The following IGSF9B variants were observed in gnomAD, a reference collection of about 807,000 sequenced individuals.
IGSF9B encodes protein turtle homolog B.
IGSF9B carries 48 observed loss-of-function variants against 143.7 expected under a neutral mutation model. The ratio of observed to expected loss-of-function variants is 0.33; its 90% CI spans 0.26 to 0.42. IGSF9B has a LOEUF of 0.42. Ranked by LOEUF, IGSF9B falls within the 20% of genes least tolerant of loss-of-function variation. The pLI, the probability that IGSF9B is intolerant of heterozygous loss-of-function variation, is 1.00. For missense variants in IGSF9B, 1,706 were observed against 1,980.0 expected, an observed-to-expected ratio of 0.86 and a Z score of 2.63; for synonymous variants, 903 against 833.1, an observed-to-expected ratio of 1.08 and a Z score of -1.44.
Position 133,925,916 on chromosome 11 carries a change from C to A in IGSF9B, c.1857G>T (p.Arg619Ser). Residue 619 changes from arginine to serine, a missense_variant, in exon 14 of 20, where the codon AGG (arginine) becomes AGT (serine). Physicochemically the swap from Arg to Ser is moderately radical, Grantham distance 110. Transcript: ENST00000533871. The part of the protein sequence containing the change: ...PEPLVLVTPP[R>S]CLIANRTQQG... ...GCTGAGTCCGATTGGCTATGAGGCA[C>A]CTCGGTGGGGTGACCAGCACCAGGG... The A allele has an allele frequency of 6.2e-7, 1 of 1,610,660 alleles. No homozygotes were observed. Among genetic ancestry groups the A allele is most frequent in the Non-Finnish European group, 8.5e-7 (1 of 1,178,428 alleles).
chr11:133,942,676 G>A (rs924814452), intron 3 of IGSF9B, among the ~76,000 whole-genome samples: 2 of 152,182 alleles, frequency 1.3e-5, no homozygotes, highest in Non-Finnish European at 2.9e-5. Flanking sequence ...CCTCAGCCTG[G>A]TGTTCATCAA....
At chr11:133,914,094 T>G (rs959845277) in intron 18 of IGSF9B, among the ~76,000 whole-genome samples, 17 of 152,194 alleles carry the variant, frequency 1.1e-4, no homozygotes, top group Admixed American at 1.0e-3. Context: ...AATCAACATC[T>G]TATCACTGTT....
rs772792973 is a variant in IGSF9B, at chr11:133,920,710, C to A, written c.3015G>T (p.Gly1005=). The A allele has an allele frequency of 6.2e-7, 1 of 1,613,398 alleles. No homozygotes were observed. The highest frequency in any genetic ancestry group is 8.5e-7 in the Non-Finnish European group (1 of 1,179,736). ...VMSSPPLPTE[G]PFGHPTIPEE... Reference sequence around the variant, plus strand: ...CGGGGATGGTGGGGTGGCCAAAGGGCCCCTCGGTGGGCAGGGGCGGGGACG... The same window carrying A: ...CGGGGATGGTGGGGTGGCCAAAGGGACCCTCGGTGGGCAGGGGCGGGGACG... Residue 1005 remains glycine, a synonymous_variant, in exon 18 of 20, where the codon GGG becomes GGT. Transcript: ENST00000533871.
intron 1 of IGSF9B, among the ~76,000 whole-genome samples, chr11:133,955,485 G>T (rs1441125896): frequency 1.3e-5 from 2 of 152,196 alleles, no homozygotes; most frequent in African/African-American, 4.8e-5. Context: ...CCCGTGAGAG[G>T]CGCCTCCAGC....
intron 18 of IGSF9B, among the ~76,000 whole-genome samples, chr11:133,918,160 G>A (rs930421900): frequency 6.6e-6 from 1 of 152,188 alleles, no homozygotes; most frequent in East Asian, 1.9e-4. Flanking sequence ...GGGCGGTGAG[G>A]GGACATGGTT....
Position 133,908,939 on chromosome 11 carries a change from A to G in IGSF9B, c.*130T>C. ...TCTGGAGGGAGACACCCGCTCTGGC[A>G]AAAGAGGGGGCATGCAGGACAAAGG... On this transcript the variant is annotated 3_prime_UTR_variant, in exon 20 of 20. Transcript: ENST00000533871. 1.3e-6 allele frequency: 1 copy of G among 777,368 alleles called. No individual in the cohort carries two copies. The highest frequency in any genetic ancestry group is 2.0e-6 in the Non-Finnish European group (1 of 490,796). The allele number at this position is 777,368 out of a possible 1,614,324, so 48.2% of individuals were successfully genotyped here.
At position 133,925,974 on chromosome 11, in the gene IGSF9B, G is replaced by A. The variant is rs762797800; in HGVS notation, c.1808-9C>T. On this transcript the variant is annotated splice_polypyrimidine_tract_variant and intron_variant, in intron 13 of 19. Coordinates refer to ENST00000533871, the MANE Select transcript of IGSF9B (RefSeq NM_001277285.4). The stretch of plus-strand genomic sequence containing the variant: ...AGTTGTAATAGGGAATGCTGCGGCG[G>A]GGGAAGGAGAAGAACCACAGCGCAT... 1.9e-6 allele frequency: 3 copies of A among 1,570,636 alleles called. No individual in the cohort carries two copies. Among genetic ancestry groups the A allele is most frequent in the Non-Finnish European group, 2.6e-6 (3 of 1,155,052 alleles).
chr11:133,916,376 G>C (rs1939382994), intron 18 of IGSF9B, among the ~76,000 whole-genome samples: 1 of 152,224 alleles, frequency 6.6e-6, no homozygotes, highest in African/African-American at 2.4e-5. Context: ...ACGTGGACAA[G>C]AGCTGTCACA....
rs748439330 is a variant in IGSF9B at position 133,925,880 on chromosome 11, G to C, written c.1893C>G (p.Leu631=). The C allele has an allele frequency of 3.1e-5, 50 of 1,613,166 alleles. No individual in the cohort carries two copies. Among genetic ancestry groups the C allele is most frequent in the Non-Finnish European group, 4.2e-5 (49 of 1,179,640 alleles). The change falls in exon 14 of 20, where the codon CTC becomes CTG. Residue 631 remains leucine, a synonymous_variant. Coordinates refer to ENST00000533871, the MANE Select transcript of IGSF9B (RefSeq NM_001277285.4). ...GGTTGGCAGGCGGAAGCCAGGACAG[G>C]AGCACACCCTGCTGAGTCCGATTGG... The part of the protein sequence containing the change: ...LIANRTQQGV[L]LSWLPPANHS...
At position 133,937,456 on chromosome 11, in the gene IGSF9B, C is replaced by A; in HGVS notation, c.599G>T (p.Arg200Leu). Residue 200 changes from arginine (R) to leucine (L), a missense_variant, in exon 5 of 20, where the codon CGG becomes CTG. By Grantham distance (102) the Arg-to-Leu change is moderately radical (BLOSUM62 -2). Transcript: ENST00000533871. ...DGSLTVTSVS[R>L]EDRGAYTCRA... is the part of the protein sequence containing the mutation. ...GCAGGTGTAGGCACCTCTGTCCTCC[C>A]GACTGACCGATGTCACTGTCAGGCT... 6.2e-7 allele frequency: 1 copy of A among 1,613,838 alleles called. No homozygotes were observed. Among genetic ancestry groups the A allele is most frequent in the Non-Finnish European group, 8.5e-7 (1 of 1,179,780 alleles).
At chr11:133,951,539 T>G (rs1164869481) in intron 1 of IGSF9B, among the ~76,000 whole-genome samples, 1 of 152,210 alleles carries the variant, frequency 6.6e-6, no homozygotes, top group East Asian at 1.9e-4. Flanking sequence ...GAGGCCGGGA[T>G]GCTATTAGCA....
In IGSF9B at chr11:133,921,211, C is replaced by T; in HGVS notation, c.2514G>A (p.Glu838=). 2 of 1,609,422 alleles carry T rather than the reference C, an allele frequency of 1.2e-6. No homozygotes were observed. Among genetic ancestry groups the T allele is most frequent in the Middle Eastern group, 1.7e-4 (1 of 6,058 alleles). The change falls in exon 18 of 20, where the codon GAG becomes GAA. Residue 838 remains glutamate (E), a synonymous_variant. Coordinates refer to ENST00000533871, the MANE Select transcript of IGSF9B (RefSeq NM_001277285.4). ...SSKKYSVAKA[E]AEAEATTPIE... ...TGGGCGTGGTGGCCTCTGCCTCGGC[C>T]TCTGCCTTGGCCACGCTGTACTTCT... is the stretch of plus-strand genomic sequence containing the variant.
rs1212614889 is a variant in IGSF9B at position 133,920,056 on chromosome 11, C to G, written c.3669G>C (p.Arg1223=). 1 of 1,551,998 alleles carries G rather than the reference C, an allele frequency of 6.4e-7. No individual in the cohort carries two copies. Among genetic ancestry groups the G allele is most frequent in the Non-Finnish European group, 8.7e-7 (1 of 1,151,190 alleles). ...CCTGCTGCAGGAGGCCCGGGCGAGG[C>G]CGGGCACGGGCGGCGAGCTCAGGGG... is the stretch of plus-strand genomic sequence containing the variant. ...TGSPELAARA[R]PRPGLLQQAE... The change falls in exon 18 of 20, where the codon CGG becomes CGC. Residue 1223 remains arginine, a synonymous_variant. Coordinates refer to ENST00000533871, the MANE Select transcript of IGSF9B (RefSeq NM_001277285.4).
In IGSF9B at chr11:133,931,471, A is replaced by G; in HGVS notation, c.1350T>C (p.Pro450=). ...IPCAAAGDPF[P]VITWRKVGKP... ...CAGGTACCTTTCTCCAAGTGATGAC[A>G]GGAAAGGGGTCCCCTGCGGCAGCAC... The change falls in exon 10 of 20, where the codon CCT becomes CCC. Residue 450 remains proline, a synonymous_variant. Coordinates refer to ENST00000533871, the MANE Select transcript of IGSF9B (RefSeq NM_001277285.4). The surrounding 1 kb of genome is among the most constrained non-coding windows in gnomAD (Gnocchi z 7.7). 6.2e-7 allele frequency: 1 copy of G among 1,612,014 alleles called. No homozygotes were observed. The highest frequency in any genetic ancestry group is 8.5e-7 in the Non-Finnish European group (1 of 1,178,906).
chr11:133,924,776 G>C, intron 15 of IGSF9B, 44 bp downstream of exon 15: 1 of 1,503,840 alleles, frequency 6.6e-7, no homozygotes, highest in Non-Finnish European at 9.3e-7. Context: ...CAGCTCTGGG[G>C]CTTATGTCCC....
chr11:133,926,866 C>T (rs1053679820), intron 13 of IGSF9B, 50 bp downstream of exon 13: 1 of 1,491,282 alleles, frequency 6.7e-7, no homozygotes, highest in African/African-American at 1.4e-5. Context: ...GGCCACCGCC[C>T]CCACCACCTC....
rs1406372181 is a variant in IGSF9B at position 133,909,964 on chromosome 11, T to G, written c.4106-687A>C. On this transcript the variant is annotated intron_variant, in intron 19 of 19. Coordinates refer to ENST00000533871, the MANE Select transcript of IGSF9B (RefSeq NM_001277285.4). This position sits in a 1 kb window ranked among gnomAD's most constrained non-coding sequence, Gnocchi z 4.2. ...AACACTTGAATTGCATCTTAAATTA[T>G]GAGCCTTCCACAGATCTGAAGAAAA... Among the ~76,000 whole-genome samples, 1 of 152,246 alleles carries G rather than the reference T, an allele frequency of 6.6e-6. No homozygotes were observed. Among genetic ancestry groups the G allele is most frequent in the Non-Finnish European group, 1.5e-5 (1 of 68,042 alleles).
At chr11:133,952,923 C>A (rs888011912) in intron 1 of IGSF9B, among the ~76,000 whole-genome samples, 4 of 152,126 alleles carry the variant, frequency 2.6e-5, no homozygotes, top group Admixed American at 6.5e-5. Flanking sequence ...GGAAGGGGAC[C>A]GCTCCCTAAG....
In IGSF9B at chr11:133,922,305, C is replaced by G. The variant is rs369500100; in HGVS notation, c.2282-83G>C. ...GCGCATCTGCAGAGGCTGACAGAGC[C>G]GGAGCACCACCGCACAGGGAAGGAG... On this transcript the variant is annotated intron_variant, in intron 16 of 19. Coordinates refer to ENST00000533871, the MANE Select transcript of IGSF9B (RefSeq NM_001277285.4). 3 of 1,287,260 alleles carry G rather than the reference C, an allele frequency of 2.3e-6. No homozygotes were observed. In the African/African-American group the frequency reaches 4.4e-5, roughly 19 times the overall value. The allele number at this position is 1,287,260 out of a possible 1,614,324, so 79.7% of individuals were successfully genotyped here. A position where few individuals can be genotyped will look rare whatever the true frequency, so the allele number is the denominator to read the frequency against.
Sources: gnomAD v4.1 joint callset for allele counts (sites outside exome capture counted in the v4.1 genomes callset) on GRCh38, gnomAD v4.1.1 for gene constraint, Gnocchi (gnomAD v3.1) non-coding constraint, MANE v1.5 for transcripts, NCBI Gene and HGNC (gene_info 2026-07-23, HGNC 2026-07-21) for gene names.